Variants in UCP1 observed in about 807,000 individuals in gnomAD.
UCP1 encodes mitochondrial brown fat uncoupling protein 1.
In UCP1, 24 loss-of-function variants were observed where a neutral mutation model predicts 26.2. The observed-to-expected ratio is 0.92, with a 90% confidence interval of 0.66 to 1.29. The LOEUF (loss-of-function observed/expected upper bound fraction) is 1.29. Ranked by LOEUF, UCP1 falls within the 50% of genes most tolerant of loss-of-function variation. The probability of loss-of-function intolerance (pLI) is 0.00; values close to 1 mark genes in which losing one functional copy is unlikely to be tolerated. For missense variants in UCP1, 402 were observed against 388.7 expected (o/e 1.03, Z -0.29); for synonymous variants, 164 against 156.8 (o/e 1.05, Z -0.34).
At position 140,562,207 on chromosome 4, in the gene UCP1, C is replaced by T. The variant is rs1186561274; in HGVS notation, c.795G>A (p.Thr265=). The change falls in exon 5 of 6, where the codon ACG becomes ACA. Residue 265 remains threonine, a synonymous_variant. Coordinates refer to ENST00000262999, the MANE Select transcript of UCP1 (RefSeq NM_021833.5). The part of the protein sequence containing the change: ...AMKVFTNEGP[T]AFFKGLVPSF... ...TCATATCTTACCCCTTGAAGAAAGC[C>T]GTTGGTCCTTCGTTAGTGAACACTT... 4 of 1,614,168 alleles carry T rather than the reference C, an allele frequency of 2.5e-6. No individual in the cohort carries two copies. Among genetic ancestry groups the T allele is most frequent in the East Asian group, 2.2e-5 (1 of 44,892 alleles).
rs752643780 is a variant in UCP1, at chr4:140,567,963, G to T, written c.141C>A (p.Cys47Ter). The T allele has an allele frequency of 1.2e-6, 2 of 1,614,180 alleles. No individual in the cohort carries two copies. The highest frequency in any genetic ancestry group is 1.1e-5 in the South Asian group (1 of 91,078). The stretch of plus-strand genomic sequence containing the variant: ...TATACCTAATAACACTGGACGTCGG[G>T]CATTCACCTTGGACCTGGAAATAAG... Reference protein sequence around the residue: ...AKVRLQVQGECPTSSVIRYKG... With the variant: ...AKVRLQVQGE The change falls in exon 2 of 6, where the codon TGC (cysteine) becomes TGA (stop). Residue 47 changes from cysteine (C) to a stop codon, truncating the protein, a stop_gained. Transcript: ENST00000262999. LOFTEE classifies it high-confidence loss of function.
Position 140,559,480 on chromosome 4 carries a change from G to T in UCP1, c.*416C>A. On this transcript the variant is annotated 3_prime_UTR_variant, in exon 6 of 6. Transcript: ENST00000262999. Reference sequence around the variant, plus strand: ...ATTGAATATATTAACTGACAACTGTGGTTAATAAAAACTAATATTTTTAAT... The same window carrying T: ...ATTGAATATATTAACTGACAACTGTTGTTAATAAAAACTAATATTTTTAAT... The T allele has an allele frequency of 5.4e-6, 1 of 183,996 alleles. No individual in the cohort carries two copies. The highest frequency in any genetic ancestry group is 1.1e-5 in the Non-Finnish European group (1 of 88,938). The allele number at this position is 183,996 out of a possible 1,614,324, so 11.4% of individuals were successfully genotyped here.
chr4:140,568,501 TA>T (rs1735855097), intron 1 of UCP1, 102 bp downstream of exon 1: 1 of 1,562,984 alleles, frequency 6.4e-7, no homozygotes, highest in Non-Finnish European at 8.7e-7. Context: ...TCACCTACCC[TA>T]CCTAGAAACA....
Position 140,568,596 on chromosome 4 carries a change from C to G in UCP1, c.126+8G>C, listed in dbSNP as rs1411518186. The G allele has an allele frequency of 6.2e-7, 1 of 1,613,682 alleles. No homozygotes were observed. The stretch of plus-strand genomic sequence containing the variant: ...GAGACCCCTTGTCTTACCCCTCTGC[C>G]TAGCTACCTGGAGCCGGACTTTGGC... On this transcript the variant is annotated splice_region_variant and intron_variant, in intron 1 of 5. Coordinates refer to ENST00000262999, the MANE Select transcript of UCP1 (RefSeq NM_021833.5).
At chr4:140,568,297 A>G (rs1438423786) in intron 1 of UCP1, among the ~76,000 whole-genome samples, 3 of 152,182 alleles carry the variant, frequency 2.0e-5, no homozygotes, top group African/African-American at 4.8e-5. Flanking sequence ...GCACCTGACT[A>G]GTAAACTCAG....
intron 2 of UCP1, among the ~76,000 whole-genome samples, chr4:140,566,514 T>C (rs1338374471): frequency 6.6e-6 from 1 of 152,168 alleles, no homozygotes; most frequent in Non-Finnish European, 1.5e-5. Context: ...CATCTATAAA[T>C]AAAAAAATGC....
At chr4:140,566,843 T>C (rs1239896936) in intron 2 of UCP1, among the ~76,000 whole-genome samples, 1 of 152,174 alleles carries the variant, frequency 6.6e-6, no homozygotes, top group African/African-American at 2.4e-5. Context: ...AGCAGTGTTG[T>C]GCGGTTTGAA....
intron 4 of UCP1, 24 bp downstream of exon 4, chr4:140,563,086 T>G (rs1309644994): frequency 6.3e-7 from 1 of 1,583,286 alleles, no homozygotes; most frequent in Non-Finnish European, 8.7e-7. Context: ...GCAGACCTGT[T>G]TGTTATATGA....
Position 140,559,454 on chromosome 4 carries a change from T to C in UCP1, c.*442A>G. On this transcript the variant is annotated 3_prime_UTR_variant, in exon 6 of 6. Coordinates refer to ENST00000262999, the MANE Select transcript of UCP1 (RefSeq NM_021833.5). ...ACTTTAAAAGGTATTAGCAATACTT[T>C]ATTGAATATATTAACTGACAACTGT... The C allele has an allele frequency of 5.5e-6, 1 of 180,950 alleles. No homozygotes were observed. Among genetic ancestry groups the C allele is most frequent in the South Asian group, 1.2e-4 (1 of 8,420 alleles). 11.2% of individuals were successfully genotyped at this position (180,950 alleles called of 1,614,324 possible). A position where few individuals can be genotyped will look rare whatever the true frequency, so the allele number is the denominator to read the frequency against.
rs1735874687 is a variant in UCP1, at chr4:140,568,957, C to T, written c.-228G>A. On this transcript the variant is annotated 5_prime_UTR_variant, in exon 1 of 6. Transcript: ENST00000262999. ...CTACCCACCCTCGCGCCAGCAGGAC[C>T]CTCTGCGTTCCGGTCTTCCGCTGGG... Among the ~76,000 whole-genome samples, 1 of 152,196 alleles carries T rather than the reference C, an allele frequency of 6.6e-6. No homozygotes were observed. Among genetic ancestry groups the T allele is most frequent in the Admixed American group, 6.5e-5 (1 of 15,290 alleles).
At position 140,563,208 on chromosome 4, in the gene UCP1, G is replaced by A. The variant is rs765046420; in HGVS notation, c.530C>T (p.Thr177Ile). 4 of 1,611,880 alleles carry A rather than the reference G, an allele frequency of 2.5e-6. No homozygotes were observed. Among genetic ancestry groups the A allele is most frequent in the South Asian group, 2.2e-5 (2 of 91,052 alleles). ...TEGLTGLWKG[T>I]TPNLMRSVII... ...GACACTTCTCATCAGATTGGGAGTA[G>A]TCCCTGGGGAAAAAAAAAAAGAAAA... The change falls in exon 4 of 6, where the codon ACT becomes ATT. Residue 177 changes from threonine (T) to isoleucine (I), a missense_variant. Transcript: ENST00000262999.
Position 140,563,457 on chromosome 4 carries a change from G to GA in UCP1, c.386dup (p.Ile130HisfsTer30). The GA allele has an allele frequency of 6.2e-7, 1 of 1,614,040 alleles. No homozygotes were observed. The highest frequency in any genetic ancestry group is 1.7e-5 in the Admixed American group (1 of 59,996). On this transcript the variant is annotated frameshift_variant, in exon 3 of 6. Coordinates refer to ENST00000262999, the MANE Select transcript of UCP1 (RefSeq NM_021833.5). LOFTEE classifies it high-confidence loss of function. ...TCACGACCTCTGTGGGTTGCCCAAT[G>GA]AATACTGCCACTCCTCCAGTCGTTA...
rs1437458266 is a variant in UCP1 at position 140,568,897 on chromosome 4, G to T, written c.-168C>A. 2 of 1,069,884 alleles carry T rather than the reference G, an allele frequency of 1.9e-6. No individual in the cohort carries two copies. The highest frequency in any genetic ancestry group is 1.3e-6 in the Non-Finnish European group (1 of 751,452). The allele number at this position is 1,069,884 out of a possible 1,614,324, so 66.3% of individuals were successfully genotyped here. Reference sequence around the variant, plus strand: ...TGCAGAGGCGGCGGCTGCAGACGGAGCGCGGTGTTGGGGGCCGAGTCCCCG... The same window carrying T: ...TGCAGAGGCGGCGGCTGCAGACGGATCGCGGTGTTGGGGGCCGAGTCCCCG... On this transcript the variant is annotated 5_prime_UTR_variant, in exon 1 of 6. Coordinates refer to ENST00000262999, the MANE Select transcript of UCP1 (RefSeq NM_021833.5).
In UCP1 at chr4:140,560,759, A is replaced by C. The variant is rs752207994; in HGVS notation, c.810-749T>G. On this transcript the variant is annotated intron_variant, in intron 5 of 5. Coordinates refer to ENST00000262999, the MANE Select transcript of UCP1 (RefSeq NM_021833.5). ...GGGGTATTTTGCTGCAAAAAAAAAA[A>C]ATCATAAAATTACATTTCAGTAGCA... Among the ~76,000 whole-genome samples the C allele has an allele frequency of 4.6e-5, 7 of 151,892 alleles. No individual in the cohort carries two copies. In the East Asian group the frequency reaches 1.4e-3, roughly 29 times the overall value.
chr4:140,568,042 C>T lies in UCP1; in HGVS notation c.127-65G>A, dbSNP rs979257173. 33 of 1,553,828 alleles carry T rather than the reference C, an allele frequency of 2.1e-5. No individual in the cohort carries two copies. The African/African-American group carries it at 4.4e-4, about 20-fold the overall frequency. On this transcript the variant is annotated intron_variant, in intron 1 of 5. Coordinates refer to ENST00000262999, the MANE Select transcript of UCP1 (RefSeq NM_021833.5). ...TGAGTTCACTCTTAAGCCAAGATTT[C>T]CCCCTGTGTTCCTATTTTCCGTTTC...
At chr4:140,567,588 C>A (rs937723739) in intron 2 of UCP1, among the ~76,000 whole-genome samples, 191 bp downstream of exon 2, 2 of 152,210 alleles carry the variant, frequency 1.3e-5, no homozygotes, top group African/African-American at 4.8e-5. Flanking sequence ...AAGTATATAT[C>A]TGCATCTAAA....
chr4:140,561,360 T>C (rs1480857763), intron 5 of UCP1, among the ~76,000 whole-genome samples: 5 of 150,024 alleles, frequency 3.3e-5, no homozygotes, highest in South Asian at 4.2e-4. Context: ...TCCTTCTCCT[T>C]CTTCTTTTTT....
Position 140,568,723 on chromosome 4 carries a change from C to T in UCP1, c.7G>A (p.Gly3Ser). MG[G>S]LTASDVHPTL... ...GGGTGTACGTCCGAGGCTGTCAGGC[C>T]CCCCATCTTCACTCAGAGACTGGAG... Residue 3 changes from glycine to serine, a missense_variant, in exon 1 of 6, where the codon GGC becomes AGC. Coordinates refer to ENST00000262999, the MANE Select transcript of UCP1 (RefSeq NM_021833.5). The T allele has an allele frequency of 6.3e-7, 1 of 1,590,910 alleles. No individual in the cohort carries two copies. Among genetic ancestry groups the T allele is most frequent in the East Asian group, 2.3e-5 (1 of 44,022 alleles).
chr4:140,560,141 C>A (rs1267444401), intron 5 of UCP1, 131 bp from the exon 6 acceptor site: 3 of 750,438 alleles, frequency 4.0e-6, no homozygotes, highest in Non-Finnish European at 4.5e-6. Context: ...CAACCTCGAG[C>A]TCCTGGGCTT....
Sources: gnomAD v4.1 joint callset for allele counts (sites outside exome capture counted in the v4.1 genomes callset) on GRCh38, gnomAD v4.1.1 for gene constraint, MANE v1.5 for transcripts, NCBI Gene and HGNC (gene_info 2026-07-23, HGNC 2026-07-21) for gene names.